The following CDK11B variants were observed in gnomAD, a reference collection of about 807,000 sequenced individuals.
The protein encoded by CDK11B is cyclin-dependent kinase 11B.
Under a neutral mutation model 84.0 loss-of-function variants are expected in CDK11B, and 37 were observed. The ratio of observed to expected loss-of-function variants is 0.44; its 90% CI spans 0.34 to 0.58. The LOEUF is 0.58. CDK11B is among the 20% of genes least tolerant of loss of function. CDK11B has a pLI of 0.02. For missense variants in CDK11B, 427 were observed against 834.0 expected (o/e 0.51, Z 6.01); for synonymous variants, 269 against 309.8 (o/e 0.87, Z 1.38).
chr1:1,647,609 C>T (rs1351637715), intron 5 of CDK11B, among the ~76,000 whole-genome samples: 7 of 152,370 alleles, frequency 4.6e-5, no homozygotes, highest in South Asian at 2.1e-4. Context: ...ACGCGTCATT[C>T]GCATCTGTGG....
At chr1:1,652,819 G>A (rs1427933278) in intron 3 of CDK11B, among the ~76,000 whole-genome samples, 14 of 150,886 alleles carry the variant, frequency 9.3e-5, no homozygotes, top group East Asian at 3.9e-4. Flanking sequence ...TCCACCCTCC[G>A]GGTTCATGCC....
At position 1,652,436 on chromosome 1, in the gene CDK11B, T is replaced by C; in HGVS notation, c.355+3A>G. 6.7e-7 allele frequency: 1 copy of C among 1,494,152 alleles called. No homozygotes were observed. The highest frequency in any genetic ancestry group is 8.8e-7 in the Non-Finnish European group (1 of 1,130,920). The allele number at this position is 1,494,152 out of a possible 1,614,324, so 92.6% of individuals were successfully genotyped here. A position where few individuals can be genotyped will look rare whatever the true frequency, so the allele number is the denominator to read the frequency against. On this transcript the variant is annotated splice_donor_region_variant and intron_variant, in intron 4 of 19. Coordinates refer to ENST00000341832, the MANE Select transcript of CDK11B (RefSeq NM_033486.3). ...ATGTCAAAGAAAGTAAATGCTTCTG[T>C]ACCCCCTTCTGCTGAATGGCTACGA...
intron 3 of CDK11B, among the ~76,000 whole-genome samples, chr1:1,655,118 A>G (rs1474815818): frequency 1.3e-5 from 2 of 152,168 alleles, no homozygotes; most frequent in Non-Finnish European, 2.9e-5. Context: ...TATTTTATTA[A>G]TCAGTGTAAC....
chr1:1,646,876 A>G lies in CDK11B; in HGVS notation c.495-1614T>C, dbSNP rs201132837. 489 of 519,900 alleles carry G rather than the reference A, an allele frequency of 9.4e-4. No homozygotes were observed. The East Asian group carries it at 0.026, about 27-fold the overall frequency. 32.2% of individuals were successfully genotyped at this position (519,900 alleles called of 1,614,324 possible). A position where few individuals can be genotyped will look rare whatever the true frequency, so the allele number is the denominator to read the frequency against. On this transcript the variant is annotated intron_variant, in intron 5 of 19. Transcript: ENST00000341832. ...TTCTAAGAAGTCAGTGGCTGGCGGT[A>G]TTGAAGCTCCCCTTTCATGGGATGG...
At chr1:1,653,908 C>G (rs1471329016) in intron 3 of CDK11B, among the ~76,000 whole-genome samples, 1 of 151,440 alleles carries the variant, frequency 6.6e-6, no homozygotes, top group African/African-American at 2.4e-5. Context: ...ACTCAGGAGT[C>G]TGAGGCAGGA....
chr1:1,646,919 C>T (rs947673799), intron 5 of CDK11B: 1 of 519,904 alleles, frequency 1.9e-6, no homozygotes, highest in African/African-American at 1.9e-5. Flanking sequence ...TTCTCTGAGG[C>T]CTTTCAACAT....
chr1:1,652,794 C>T (rs1231702530), intron 3 of CDK11B, among the ~76,000 whole-genome samples: 1 of 151,810 alleles, frequency 6.6e-6, no homozygotes, highest in Admixed American at 6.6e-5. Context: ...GGCACGATCT[C>T]GGCTCACTGC....
chr1:1,652,633 AG>A, intron 3 of CDK11B, 67 bp from the exon 4 acceptor site: 1 of 1,243,190 alleles, frequency 8.0e-7, no homozygotes. Flanking sequence ...GGCTATTATA[AG>A]GTTTCTTCAA....
chr1:1,658,161 A>G (rs1195355740), intron 1 of CDK11B, among the ~76,000 whole-genome samples: 3 of 148,628 alleles, frequency 2.0e-5, no homozygotes, highest in Non-Finnish European at 3.0e-5. Context: ...CCCCGTCTCA[A>G]AAAAAAAAGA....
At chr1:1,648,740 C>T (rs920319283) in intron 5 of CDK11B, among the ~76,000 whole-genome samples, 12 of 152,138 alleles carry the variant, frequency 7.9e-5, no homozygotes, top group African/African-American at 4.8e-5. Context: ...TCCAGGGTCC[C>T]GAATTCCAGA....
chr1:1,650,001 CG>C (rs1226303951), intron 4 of CDK11B, among the ~76,000 whole-genome samples: 4 of 148,830 alleles, frequency 2.7e-5, no homozygotes, highest in East Asian at 2.0e-4. Flanking sequence ...AGACCGGGCG[CG>C]GTGGCTCACG....
At chr1:1,636,642 C>T (rs770223186) in intron 17 of CDK11B, 40 bp downstream of exon 17, 2 of 1,612,522 alleles carry the variant, frequency 1.2e-6, no homozygotes, top group Non-Finnish European at 8.5e-7. Context: ...TGCAACTCCT[C>T]CACAACCCCA....
Position 1,637,429 on chromosome 1 carries a change from T to C in CDK11B, c.1549A>G (p.Met517Val). 1.2e-6 allele frequency: 2 copies of C among 1,613,724 alleles called. No homozygotes were observed. The highest frequency in any genetic ancestry group is 1.7e-6 in the Non-Finnish European group (2 of 1,179,718). Residue 517 changes from methionine (M) to valine (V), a missense_variant, in exon 14 of 20, where the codon ATG becomes GTG. Physicochemically the swap from Met to Val is conservative, Grantham distance 21. Coordinates refer to ENST00000341832, the MANE Select transcript of CDK11B (RefSeq NM_033486.3). ...EHDLKSLMET[M>V]KQPFLPGEVK... ...GTACCTGGCAGGAAGGGCTGTTTCATGGTCTCCATCAGGCTCTTGAGGTCG... is the reference window on the plus strand; with the variant it reads ...GTACCTGGCAGGAAGGGCTGTTTCACGGTCTCCATCAGGCTCTTGAGGTCG...
At position 1,637,211 on chromosome 1, in the gene CDK11B, G is replaced by A. The variant is rs371593739; in HGVS notation, c.1571-9C>T. The A allele has an allele frequency of 2.9e-5, 47 of 1,612,836 alleles. No homozygotes were observed. The highest frequency in any genetic ancestry group is 3.9e-5 in the Non-Finnish European group (46 of 1,179,740). On this transcript the variant is annotated splice_polypyrimidine_tract_variant and intron_variant, in intron 14 of 19. Coordinates refer to ENST00000341832, the MANE Select transcript of CDK11B (RefSeq NM_033486.3). ...CAGGGTCTTCACCTCCCCTGGGAGGGAGGGAAGCTCCCATGTGGACCTGGC... is the reference window on the plus strand; with the variant it reads ...CAGGGTCTTCACCTCCCCTGGGAGGAAGGGAAGCTCCCATGTGGACCTGGC...
chr1:1,655,589 A>G (rs2101016628), intron 2 of CDK11B, 105 bp from the exon 3 acceptor site: 2 of 1,427,054 alleles, frequency 1.4e-6, no homozygotes, highest in East Asian at 5.0e-5. Flanking sequence ...TCCCAAAACA[A>G]ACTTTCATAT....
At chr1:1,638,824 G>T (rs1295220879) in intron 11 of CDK11B, among the ~76,000 whole-genome samples, 4 of 152,010 alleles carry the variant, frequency 2.6e-5, no homozygotes, top group African/African-American at 9.6e-5. Flanking sequence ...ATCCCAGCCA[G>T]GTGCAAGGGC....
In CDK11B at chr1:1,637,176, G is replaced by A. The variant is rs763239985; in HGVS notation, c.1597C>T (p.Leu533=). ...TGCAGGTGTTTCACCCCACGCAGCAGCTGGATCATCAGGGTCTTCACCTCC... is the reference window on the plus strand; with the variant it reads ...TGCAGGTGTTTCACCCCACGCAGCAACTGGATCATCAGGGTCTTCACCTCC... ...PGEVKTLMIQ[L]LRGVKHLHDN... Residue 533 remains leucine (L), a synonymous_variant, in exon 15 of 20, where the codon CTG becomes TTG. Transcript: ENST00000341832. 3.1e-6 allele frequency: 5 copies of A among 1,613,428 alleles called. No individual in the cohort carries two copies. Among genetic ancestry groups the A allele is most frequent in the African/African-American group, 1.3e-5 (1 of 74,888 alleles).
chr1:1,637,102 C>A lies in CDK11B; in HGVS notation c.1671G>T (p.Leu557=). ...TCACCTTGAGGATGCCGGCGTGGCT[C>A]AGCAGCAGGTTGGACGTCTTGAGGT... ...HRDLKTSNLL[L]SHAGILKVGD... is the part of the protein sequence containing the mutation. Residue 557 remains leucine, a synonymous_variant, in exon 15 of 20, where the codon CTG becomes CTT. Transcript: ENST00000341832. 1 of 1,613,636 alleles carries A rather than the reference C, an allele frequency of 6.2e-7. No individual in the cohort carries two copies. Among genetic ancestry groups the A allele is most frequent in the South Asian group, 1.1e-5 (1 of 91,068 alleles).
chr1:1,650,421 A>G (rs1220871978), intron 4 of CDK11B, among the ~76,000 whole-genome samples: 10 of 133,920 alleles, frequency 7.5e-5, no homozygotes, highest in South Asian at 2.4e-4. Context: ...GCTGGAGTGC[A>G]GTGGCGCAAT....
Sources: gnomAD v4.1 joint callset for allele counts (sites outside exome capture counted in the v4.1 genomes callset) on GRCh38, gnomAD v4.1.1 for gene constraint, MANE v1.5 for transcripts, NCBI Gene and HGNC (gene_info 2026-07-23, HGNC 2026-07-21) for gene names.